The following BORCS5 variants were observed in gnomAD, a reference collection of about 807,000 sequenced individuals.
BORCS5 encodes the protein BLOC-1 related complex subunit 5, also known as BLOC-1-related complex subunit 5.
Under a neutral mutation model 22.1 loss-of-function variants are expected in BORCS5, and 17 were observed. That is an observed-to-expected ratio of 0.77 (90% confidence interval 0.53 to 1.15). BORCS5 has a LOEUF of 1.15. Among genes scored for constraint, BORCS5 ranks in the 50% most tolerant of loss-of-function variants. BORCS5 has a pLI of 0.00. For missense variants in BORCS5, 247 were observed against 253.2 expected (o/e 0.98, Z 0.17); for synonymous variants, 117 against 99.8 (o/e 1.17, Z -1.03).
intron 2 of BORCS5, among the ~76,000 whole-genome samples, chr12:12,415,224 C>T (rs979598617): frequency 6.6e-6 from 1 of 151,148 alleles, no homozygotes; most frequent in Non-Finnish European, 1.5e-5. Flanking sequence ...TTGTAGCGAG[C>T]CGAGATCACG....
chr12:12,399,411 A>C (rs1941420487), intron 2 of BORCS5, among the ~76,000 whole-genome samples: 2 of 152,206 alleles, frequency 1.3e-5, no homozygotes, highest in African/African-American at 4.8e-5. Context: ...TGCATTTTCA[A>C]GAGGCAGCCT....
At chr12:12,405,336 A>G (rs560380158) in intron 2 of BORCS5, among the ~76,000 whole-genome samples, 1 of 152,332 alleles carries the variant, frequency 6.6e-6, no homozygotes, top group Non-Finnish European at 1.5e-5. Flanking sequence ...AATCATTGAC[A>G]CTAGAATTTT....
intron 2 of BORCS5, among the ~76,000 whole-genome samples, chr12:12,414,954 G>A (rs1486896954): frequency 1.3e-4 from 18 of 134,312 alleles, no homozygotes; most frequent in South Asian, 2.3e-4. Context: ...GACGATGGGC[G>A]GCCGGGCAGA....
At position 12,468,784 on chromosome 12, in the gene BORCS5, C is replaced by A. The variant is rs773394674; in HGVS notation, c.*3008C>A. On this transcript the variant is annotated 3_prime_UTR_variant, in exon 4 of 4. Coordinates refer to ENST00000314565, the MANE Select transcript of BORCS5 (RefSeq NM_058169.6). The stretch of plus-strand genomic sequence containing the variant: ...TGTTGATGAACACAGTCAAATAGGC[C>A]TCTATGTGCAGTCTCCTGGTTTCCC... The A allele has an allele frequency of 1.3e-5, 2 of 152,152 alleles. No homozygotes were observed. The highest frequency in any genetic ancestry group is 2.9e-5 in the Non-Finnish European group (2 of 68,030). 9.4% of individuals were successfully genotyped at this position (152,152 alleles called of 1,614,324 possible).
At chr12:12,373,923 G>A (rs1355222480) in intron 2 of BORCS5, among the ~76,000 whole-genome samples, 2 of 151,584 alleles carry the variant, frequency 1.3e-5, no homozygotes, top group African/African-American at 4.9e-5. Flanking sequence ...ATTCAGCTGA[G>A]CTTTGAGGGA....
At chr12:12,419,329 A>G (rs1942054103) in intron 2 of BORCS5, among the ~76,000 whole-genome samples, 1 of 152,168 alleles carries the variant, frequency 6.6e-6, no homozygotes, top group African/African-American at 2.4e-5. Context: ...TTTGCTGAGA[A>G]TGATGGTTTC....
intron 3 of BORCS5, among the ~76,000 whole-genome samples, chr12:12,458,073 A>G (rs1943030950): frequency 6.6e-6 from 1 of 152,232 alleles, no homozygotes; most frequent in African/African-American, 2.4e-5. Flanking sequence ...GGCTTTAGCA[A>G]AGGAGTTCTG....
chr12:12,369,864 A>G (rs1592057968), intron 2 of BORCS5, among the ~76,000 whole-genome samples: 1 of 151,652 alleles, frequency 6.6e-6, no homozygotes, highest in African/African-American at 2.4e-5. Flanking sequence ...AGCTGGGACT[A>G]CAGGTGTGCG....
chr12:12,436,278 A>G (rs1050051810), intron 3 of BORCS5, among the ~76,000 whole-genome samples: 3 of 152,264 alleles, frequency 2.0e-5, no homozygotes, highest in Non-Finnish European at 2.9e-5. Context: ...TTATGGAAAC[A>G]ATTACGCCTA....
At chr12:12,456,810 G>C (rs1253995936) in intron 3 of BORCS5, among the ~76,000 whole-genome samples, 1 of 132,842 alleles carries the variant, frequency 7.5e-6, no homozygotes, top group Non-Finnish European at 1.6e-5. Context: ...ATGTGACTCT[G>C]CTGTAAGATT....
chr12:12,447,291 G>A (rs563076294), intron 3 of BORCS5, among the ~76,000 whole-genome samples: 7 of 152,290 alleles, frequency 4.6e-5, no homozygotes, highest in Non-Finnish European at 1.0e-4. Context: ...CTCTGCCTGA[G>A]GAATCCTGCT....
chr12:12,408,828 C>T (rs1424912168), intron 2 of BORCS5, among the ~76,000 whole-genome samples: 1 of 152,146 alleles, frequency 6.6e-6, no homozygotes, highest in Non-Finnish European at 1.5e-5. Context: ...TTTTGCTTAT[C>T]CATTCTTCTA....
intron 2 of BORCS5, among the ~76,000 whole-genome samples, chr12:12,433,594 A>T (rs142571738): frequency 7.7e-4 from 118 of 152,322 alleles, no homozygotes; most frequent in Middle Eastern, 3.4e-3. Context: ...GAAATTGGGT[A>T]AAGGGGACAC....
At chr12:12,419,313 T>C (rs1265012928) in intron 2 of BORCS5, among the ~76,000 whole-genome samples, 1 of 152,144 alleles carries the variant, frequency 6.6e-6, no homozygotes, top group African/African-American at 2.4e-5. Context: ...TCTGTCCTTG[T>C]GATAGTTTGC....
intron 3 of BORCS5, among the ~76,000 whole-genome samples, chr12:12,450,164 G>C (rs1465226087): frequency 6.6e-6 from 1 of 152,226 alleles, no homozygotes; most frequent in Non-Finnish European, 1.5e-5. Flanking sequence ...GGTGGCCCTT[G>C]GAATCAGGAG....
intron 3 of BORCS5, among the ~76,000 whole-genome samples, chr12:12,455,551 G>A (rs995172635): frequency 2.0e-5 from 3 of 152,152 alleles, no homozygotes; most frequent in African/African-American, 7.2e-5. Context: ...AGGACGAGGA[G>A]GGCAGATCAC....
chr12:12,387,547 C>T (rs1273509630), intron 2 of BORCS5, among the ~76,000 whole-genome samples: 1 of 151,402 alleles, frequency 6.6e-6, no homozygotes, highest in Non-Finnish European at 1.5e-5. Context: ...CCTAAATATA[C>T]TCCATTTTGT....
At chr12:12,430,251 C>T (rs1014575799) in intron 2 of BORCS5, among the ~76,000 whole-genome samples, 7 of 149,920 alleles carry the variant, frequency 4.7e-5, no homozygotes, top group Admixed American at 1.3e-4. Flanking sequence ...CCTGGGTTCA[C>T]GCCATTCTCC....
At chr12:12,375,728 G>A (rs1406210733) in intron 2 of BORCS5, among the ~76,000 whole-genome samples, 2 of 152,236 alleles carry the variant, frequency 1.3e-5, no homozygotes, top group Non-Finnish European at 2.9e-5. Context: ...ACATTTTAAA[G>A]AATGCACTTG....
Sources: allele counts gnomAD v4.1 joint callset (sites outside exome capture counted in the v4.1 genomes callset), GRCh38; gene constraint gnomAD v4.1.1; transcripts MANE v1.5; gene names NCBI Gene and HGNC (gene_info 2026-07-23, HGNC 2026-07-21).